Variants in BBS12 observed in about 807,000 individuals in gnomAD.
BBS12 encodes Bardet-Biedl syndrome 12, also known as chaperonin-containing T-complex member BBS12.
BBS12 carries 5 observed loss-of-function variants against 5.6 expected under a neutral mutation model. That is an observed-to-expected ratio of 0.89 (90% CI 0.46 to 1.86). The LOEUF is 1.86. Among genes scored for constraint, BBS12 ranks in the 40% most tolerant of loss-of-function variants. BBS12 has a pLI of 0.01. For missense variants in BBS12, 748 were observed against 830.4 expected, an observed-to-expected ratio of 0.90 and a Z score of 1.22; for synonymous variants, 308 against 306.8, an observed-to-expected ratio of 1.00 and a Z score of -0.04.
the BBS12 span, among the ~76,000 whole-genome samples, chr4:122,708,322 C>T: frequency 6.6e-6 from 1 of 152,158 alleles, no homozygotes; most frequent in South Asian, 2.1e-4. Context: ...CTGATCACTA[C>T]TTTTGGCCAC....
chr4:122,730,267 T>G (rs1266605320), upstream of BBS12: 2 of 152,224 alleles, frequency 1.3e-5, no homozygotes. Context: ...AACTTTAAAA[T>G]TCTAAGTCTT....
At chr4:122,730,676 G>T (rs1800685526), upstream of BBS12, 1 of 151,960 alleles carries the variant, frequency 6.6e-6, no homozygotes, top group Non-Finnish European at 1.5e-5. Context: ...CATTTAAAAT[G>T]ACATAAATGA....
chr4:122,708,608 C>G, the BBS12 span, among the ~76,000 whole-genome samples: 2 of 151,896 alleles, frequency 1.3e-5, no homozygotes, highest in African/African-American at 4.8e-5. Flanking sequence ...TTTTAAATGT[C>G]TTCTAAAATT....
the BBS12 span, among the ~76,000 whole-genome samples, chr4:122,710,125 G>A: frequency 2.0e-5 from 3 of 152,114 alleles, no homozygotes; most frequent in Non-Finnish European, 4.4e-5. Flanking sequence ...TCTTTTCATG[G>A]ATATTATGTA....
At chr4:122,720,863 G>A in the BBS12 span, among the ~76,000 whole-genome samples, 1 of 144,862 alleles carries the variant, frequency 6.9e-6, no homozygotes. Flanking sequence ...AAGACAAATA[G>A]ACAAGTCTTA....
chr4:122,707,644 A>T, the BBS12 span, among the ~76,000 whole-genome samples: 1 of 152,046 alleles, frequency 6.6e-6, no homozygotes, highest in African/African-American at 2.4e-5. Context: ...ACTGCCACTC[A>T]CTCTGGGCCA....
upstream of BBS12, among the ~76,000 whole-genome samples, chr4:122,728,116 A>T (rs372346162): frequency 2.6e-5 from 4 of 152,318 alleles, no homozygotes; most frequent in South Asian, 6.2e-4. Flanking sequence ...TCAAAAATAA[A>T]AATATTTAAA....
chr4:122,734,297 G>A (rs1030925332), intron 1 of BBS12, among the ~76,000 whole-genome samples: 81 of 151,292 alleles, frequency 5.4e-4, no homozygotes, highest in African/African-American at 1.9e-3. Context: ...ACCGAGTCCT[G>A]CTCTGTCGCC....
At chr4:122,717,148 C>A in the BBS12 span, among the ~76,000 whole-genome samples, 1 of 152,072 alleles carries the variant, frequency 6.6e-6, no homozygotes, top group African/African-American at 2.4e-5. Context: ...AATGGTACTC[C>A]CTCTTTCATT....
At chr4:122,740,219 G>A (rs1800846627) in intron 1 of BBS12, among the ~76,000 whole-genome samples, 1 of 152,138 alleles carries the variant, frequency 6.6e-6, no homozygotes, top group African/African-American at 2.4e-5. Context: ...GCTGCAGTGA[G>A]CCATGCCACT....
chr4:122,733,410 CACACA>C, intron 1 of BBS12, among the ~76,000 whole-genome samples: 1 of 150,048 alleles, frequency 6.7e-6, no homozygotes, highest in African/African-American at 2.5e-5. Flanking sequence ...CACACACACA[CACACA>C]CACACACACA....
At chr4:122,702,598 T>G in the BBS12 span, among the ~76,000 whole-genome samples, 3 of 152,180 alleles carry the variant, frequency 2.0e-5, no homozygotes, top group African/African-American at 4.8e-5. Flanking sequence ...CTAAATGCCA[T>G]CAACTGGGCC....
At chr4:122,724,100 T>C in the BBS12 span, among the ~76,000 whole-genome samples, 1 of 152,208 alleles carries the variant, frequency 6.6e-6, no homozygotes, top group Non-Finnish European at 1.5e-5. Flanking sequence ...ATAGCAGTAA[T>C]CTATTGCTGC....
the BBS12 span, among the ~76,000 whole-genome samples, chr4:122,722,167 G>A: frequency 3.9e-5 from 6 of 152,060 alleles, no homozygotes; most frequent in African/African-American, 1.5e-4. Flanking sequence ...TATTGACTTG[G>A]AACCATTATT....
the BBS12 span, among the ~76,000 whole-genome samples, chr4:122,714,167 A>C: frequency 6.6e-6 from 1 of 152,140 alleles, no homozygotes; most frequent in Admixed American, 6.5e-5. Context: ...AAGAAGAGAA[A>C]AAGAAAGAGA....
rs879633036 is a variant in BBS12 at position 122,733,422 on chromosome 4, CACAT to C, written c.-11+539_-11+542del. 7.8e-3 allele frequency among the ~76,000 whole-genome samples: 1,093 copies of C among 140,816 alleles called. 37 individuals are homozygous for C. Among genetic ancestry groups the C allele is most frequent in the Non-Finnish European group, 0.013 (827 of 65,254 alleles). 92.4% of individuals were successfully genotyped at this position (140,816 alleles called of 152,430 possible). A position where few individuals can be genotyped will look rare whatever the true frequency, so the allele number is the denominator to read the frequency against. ...ACACACACACACACACACACACACA[CACAT>C]CCAGCCATTTCCTTGGCCCAGTCCT... is the stretch of plus-strand genomic sequence containing the variant. On this transcript the variant is annotated intron_variant, in intron 1 of 1. Coordinates refer to ENST00000314218, the MANE Select transcript of BBS12 (RefSeq NM_152618.3).
chr4:122,721,948 C>T, the BBS12 span, among the ~76,000 whole-genome samples: 1 of 152,162 alleles, frequency 6.6e-6, no homozygotes, highest in Admixed American at 6.5e-5. Flanking sequence ...AGAGTTTCAA[C>T]AAATTTCAAA....
chr4:122,714,085 TC>T, the BBS12 span, among the ~76,000 whole-genome samples: 1 of 152,088 alleles, frequency 6.6e-6, no homozygotes, highest in African/African-American at 2.4e-5. Context: ...TGACACAGGG[TC>T]TTTAGGAGAT....
chr4:122,743,896 A>G lies in BBS12; in HGVS notation c.2004A>G (p.Pro668=), dbSNP rs2150738003. 3.1e-6 allele frequency: 5 copies of G among 1,604,902 alleles called. No homozygotes were observed. The highest frequency in any genetic ancestry group is 4.3e-6 in the Non-Finnish European group (5 of 1,175,806). The change falls in exon 2 of 2, where the codon CCA becomes CCG. Residue 668 remains proline, a synonymous_variant. Transcript: ENST00000314218. ...QIPRVYDVVT[P]KIEAWRRALD... The stretch of plus-strand genomic sequence containing the variant: ...CGAGAGTTTATGACGTTGTTACACC[A>G]AAGATTGAGGCGTGGCGCCGAGCAT...
Sources: gnomAD v4.1 joint callset for allele counts (sites outside exome capture counted in the v4.1 genomes callset) on GRCh38, gnomAD v4.1.1 for gene constraint, MANE v1.5 for transcripts, NCBI Gene and HGNC (gene_info 2026-07-23, HGNC 2026-07-21) for gene names.